KCNC4: variants seen among roughly 807,000 people sequenced by gnomAD.
KCNC4 encodes the protein voltage-gated potassium channel KCNC4.
KCNC4 carries 23 observed loss-of-function variants against 42.8 expected under a neutral mutation model. The ratio of observed to expected loss-of-function variants is 0.54; its 90% confidence interval spans 0.39 to 0.76. The LOEUF is 0.76. Among genes scored for constraint, KCNC4 ranks in the 30% least tolerant of loss-of-function variants. KCNC4 has a pLI of 0.00. For missense variants in KCNC4, 751 were observed against 898.2 expected (o/e 0.84, Z 2.10); for synonymous variants, 422 against 393.5 (o/e 1.07, Z -0.86).
chr1:110,255,120 C>G (rs1659307913), intron 1 of KCNC4, among the ~76,000 whole-genome samples: 1 of 152,242 alleles, frequency 6.6e-6, no homozygotes, highest in South Asian at 2.1e-4. Context: ...CATACACTCT[C>G]TTTTATTCAC....
downstream of KCNC4, chr1:110,236,805 G>A (rs1658917572): frequency 6.6e-6 from 1 of 152,142 alleles, no homozygotes; most frequent in Non-Finnish European, 1.5e-5. Context: ...ACTACCAGGT[G>A]TTTAAAGGGT....
chr1:110,256,550 G>A (rs1659334547), intron 1 of KCNC4, among the ~76,000 whole-genome samples: 1 of 152,204 alleles, frequency 6.6e-6, no homozygotes, highest in African/African-American at 2.4e-5. Flanking sequence ...GTCAGGCAGT[G>A]GATCAGCTAA....
At chr1:110,269,961 A>G (rs1459868600) in intron 1 of KCNC4, among the ~76,000 whole-genome samples, 3 of 152,236 alleles carry the variant, frequency 2.0e-5, no homozygotes, top group African/African-American at 7.2e-5. Flanking sequence ...CCTAGAAGGC[A>G]GGAAATGGGA....
rs774232065 is a variant in KCNC4, at chr1:110,225,953, C to T, written c.1616-22C>T. On this transcript the variant is annotated intron_variant, in intron 2 of 3. Transcript: ENST00000438661. ...GCTCAGGTCGCCCCTCATGCAGCCT[C>T]CTTTCTGTGTGCCCCCTTCAGACTC... 5 of 1,559,532 alleles carry T rather than the reference C, an allele frequency of 3.2e-6. No homozygotes were observed. In the South Asian group the frequency reaches 6.0e-5, roughly 19 times the overall value.
intron 1 of KCNC4, among the ~76,000 whole-genome samples, chr1:110,279,792 ATTTTTTTT>A (rs746438498): frequency 5.1e-5 from 5 of 98,564 alleles, no homozygotes; most frequent in African/African-American, 2.1e-4. Flanking sequence ...GGCTTTAGGA[ATTTTTTTT>A]TTTTTTTTTT....
chr1:110,271,494 G>A (rs1480550170), intron 1 of KCNC4, among the ~76,000 whole-genome samples: 1 of 152,152 alleles, frequency 6.6e-6, no homozygotes. Context: ...CTCTTAAAGA[G>A]CAAAAAGCTA....
At chr1:110,237,619 T>C (rs1658937776), downstream of KCNC4, 1 of 152,238 alleles carries the variant, frequency 6.6e-6, no homozygotes, top group South Asian at 2.1e-4. Context: ...TAGAAGACTG[T>C]TTCCAATCCT....
At chr1:110,263,528 C>T (rs911966820) in intron 1 of KCNC4, among the ~76,000 whole-genome samples, 11 of 151,984 alleles carry the variant, frequency 7.2e-5, no homozygotes, top group South Asian at 2.1e-4. Context: ...AATAGGAGCA[C>T]GTTTGGGCAA....
At chr1:110,231,323 C>G (rs1322260768) in intron 3 of KCNC4, among the ~76,000 whole-genome samples, 1 of 152,090 alleles carries the variant, frequency 6.6e-6, no homozygotes, top group Admixed American at 6.5e-5. Flanking sequence ...GAAATCCCTG[C>G]CCCACCCCTG....
Position 110,223,196 on chromosome 1 carries a change from C to G in KCNC4, c.911C>G (p.Pro304Arg). The G allele has an allele frequency of 6.2e-7, 1 of 1,614,214 alleles. No individual in the cohort carries two copies. The highest frequency in any genetic ancestry group is 8.5e-7 in the Non-Finnish European group (1 of 1,180,030). Residue 304 changes from proline to arginine, a missense_variant, in exon 2 of 4, where the codon CCC becomes CGC. Physicochemically the swap from Pro to Arg is moderately radical, Grantham distance 103. Around this residue, in one of 4 missense-constraint regions of KCNC4, gnomAD observed 185 missense variants for 293.7 expected, o/e 0.63. Coordinates refer to ENST00000438661, the MANE Select transcript of KCNC4 (RefSeq NM_001039574.3). The surrounding 1 kb of genome is among the most constrained non-coding windows in gnomAD (Gnocchi z 7.5). ...TTCCTGGTGCGCATCGTGTGCTGCC[C>G]CGACACGCTGGACTTCGTCAAGAAC... ...LEFLVRIVCC[P>R]DTLDFVKNLL...
chr1:110,215,974 T>G (rs1281220453), intron 1 of KCNC4, among the ~76,000 whole-genome samples: 1 of 152,224 alleles, frequency 6.6e-6, no homozygotes, highest in Non-Finnish European at 1.5e-5. Context: ...TGCTCTTATC[T>G]GTTCCTTTAC....
intron 1 of KCNC4, among the ~76,000 whole-genome samples, chr1:110,257,720 C>CTAAAAAAA (rs1659360477): frequency 1.1e-5 from 1 of 91,010 alleles, no homozygotes. Flanking sequence ...GACTCCGTCT[C>CTAAAAAAA]AAAAAAAAAA....
At chr1:110,239,541 G>A (rs1557867547) in exon 4 of KCNC4, 1 of 152,140 alleles carries the variant, frequency 6.6e-6, no homozygotes, top group Non-Finnish European at 1.5e-5. Flanking sequence ...TTCCCTGTAA[G>A]TTGCTAGGGC....
chr1:110,270,948 C>A (rs541375453), intron 1 of KCNC4, among the ~76,000 whole-genome samples: 2 of 152,176 alleles, frequency 1.3e-5, no homozygotes, highest in African/African-American at 2.4e-5. Flanking sequence ...TAGATTTAGA[C>A]CCTGGGGGGC....
chr1:110,254,091 G>GGGGGT (rs1659288833), downstream of KCNC4, among the ~76,000 whole-genome samples: 1 of 67,988 alleles, frequency 1.5e-5, no homozygotes, highest in African/African-American at 5.8e-5. Flanking sequence ...GGCAGAAGTC[G>GGGGGT]GGGGGGGGGC....
intron 1 of KCNC4, among the ~76,000 whole-genome samples, chr1:110,268,138 T>A (rs1011733211): frequency 6.6e-6 from 1 of 152,240 alleles, no homozygotes; most frequent in Non-Finnish European, 1.5e-5. Context: ...TTTGAGATTT[T>A]TTTTCAGATT....
intron 1 of KCNC4, among the ~76,000 whole-genome samples, 198 bp downstream of exon 1, chr1:110,212,375 A>G (rs1393050011): frequency 6.6e-6 from 1 of 152,038 alleles, no homozygotes; most frequent in Non-Finnish European, 1.5e-5. Flanking sequence ...ACGCTCCATC[A>G]GGAGATTGCA....
intron 1 of KCNC4, among the ~76,000 whole-genome samples, chr1:110,216,041 T>C (rs1571026053): frequency 6.6e-6 from 1 of 152,074 alleles, no homozygotes; most frequent in African/African-American, 2.4e-5. Flanking sequence ...GGGATTTCCA[T>C]AGGAAAAATG....
At chr1:110,268,733 T>TTA (rs1557874941) in intron 1 of KCNC4, among the ~76,000 whole-genome samples, 3 of 145,848 alleles carry the variant, frequency 2.1e-5, no homozygotes, top group African/African-American at 7.8e-5. Context: ...AGATTTTATT[T>TTA]TTTTTTTTTT....
Sources: gnomAD v4.1 joint callset for allele counts (sites outside exome capture counted in the v4.1 genomes callset) on GRCh38, gnomAD v4.1.1 for gene constraint, gnomAD v4.1.1 regional missense constraint, Gnocchi (gnomAD v3.1) non-coding constraint, MANE v1.5 for transcripts, NCBI Gene and HGNC (gene_info 2026-07-23, HGNC 2026-07-21) for gene names.